SYT1: variants seen among roughly 807,000 people sequenced by gnomAD.
SYT1 encodes synaptotagmin-1.
Under a neutral mutation model 44.8 loss-of-function variants are expected in SYT1, and 8 were observed. That is an observed-to-expected ratio of 0.18 (90% CI 0.10 to 0.32). SYT1 has a LOEUF of 0.32. SYT1 is among the 10% of genes least tolerant of loss of function. The probability of loss-of-function intolerance (pLI) is 1.00; values close to 1 mark genes in which losing one functional copy is unlikely to be tolerated. For synonymous variants in SYT1, 154 were observed against 188.8 expected (o/e 0.82, Z 1.51); for missense variants, 286 against 509.3 (o/e 0.56, Z 4.22).
chr12:79,371,120 C>G (rs904932087), intron 9 of SYT1, among the ~76,000 whole-genome samples: 1 of 152,190 alleles, frequency 6.6e-6, no homozygotes, highest in African/African-American at 2.4e-5. Context: ...TTCATACTCT[C>G]ATGAGGTAGG....
At chr12:79,083,758 G>A (rs1224419191) in intron 3 of SYT1, among the ~76,000 whole-genome samples, 2 of 152,048 alleles carry the variant, frequency 1.3e-5, no homozygotes, top group African/African-American at 4.8e-5. Context: ...CAAAATGATT[G>A]CATTTGAGAA....
intron 4 of SYT1, among the ~76,000 whole-genome samples, chr12:79,265,892 T>C (rs528864002): frequency 6.6e-6 from 1 of 152,324 alleles, no homozygotes; most frequent in Admixed American, 6.5e-5. Flanking sequence ...GGATCTGCTA[T>C]GCAAAAATTA....
chr12:79,384,462 AT>A (rs1884348252), intron 9 of SYT1, among the ~76,000 whole-genome samples: 1 of 152,198 alleles, frequency 6.6e-6, no homozygotes, highest in South Asian at 2.1e-4. Context: ...AGGGCACGTA[AT>A]CAGAGTGGCT....
intron 4 of SYT1, among the ~76,000 whole-genome samples, chr12:79,234,040 G>A (rs769884207): frequency 6.6e-5 from 10 of 152,110 alleles, no homozygotes; most frequent in Admixed American, 3.3e-4. Context: ...TGAAAATCTC[G>A]TCTCCCTTGG....
chr12:79,174,613 A>G (rs1871746051), intron 3 of SYT1, among the ~76,000 whole-genome samples: 1 of 152,020 alleles, frequency 6.6e-6, no homozygotes, highest in Admixed American at 6.6e-5. Flanking sequence ...TCTAGGTAAG[A>G]AAAGGGAGTT....
intron 1 of SYT1, among the ~76,000 whole-genome samples, chr12:78,885,317 G>GAAGGA (rs1874675376): frequency 7.6e-6 from 1 of 132,158 alleles, no homozygotes; most frequent in Non-Finnish European, 1.6e-5. Flanking sequence ...GAGAGGGAGG[G>GAAGGA]AAGAAGGAAG....
At chr12:79,262,036 T>C (rs1460540955) in intron 4 of SYT1, among the ~76,000 whole-genome samples, 1 of 152,220 alleles carries the variant, frequency 6.6e-6, no homozygotes, top group East Asian at 1.9e-4. Context: ...ATGAGATCAA[T>C]AAATCCAATC....
At chr12:79,351,634 C>T (rs1159676030) in intron 8 of SYT1, among the ~76,000 whole-genome samples, 1 of 151,738 alleles carries the variant, frequency 6.6e-6, no homozygotes, top group Non-Finnish European at 1.5e-5. Flanking sequence ...TAAATTTGTC[C>T]ATATTTTATA....
intron 4 of SYT1, among the ~76,000 whole-genome samples, chr12:79,249,088 C>CTTTTTTTTTTTTTTTTTT (rs58983623): frequency 2.8e-5 from 2 of 71,816 alleles, no homozygotes; most frequent in African/African-American, 1.2e-4. Flanking sequence ...TTACCTCTTT[C>CTTTTTTTTTTTTTTTTTT]TTTTTTTTTT....
chr12:79,442,702 G>T (rs547606361), intron 9 of SYT1, among the ~76,000 whole-genome samples: 9 of 152,186 alleles, frequency 5.9e-5, no homozygotes, highest in African/African-American at 2.2e-4. Flanking sequence ...TAGGAATTAT[G>T]TTCTACTGGG....
intron 8 of SYT1, among the ~76,000 whole-genome samples, chr12:79,325,821 A>G (rs748904121): frequency 2.6e-5 from 4 of 152,246 alleles, no homozygotes; most frequent in Non-Finnish European, 4.4e-5. Context: ...ACCTCATCAC[A>G]GTGTTATTGT....
chr12:79,009,810 T>C (rs149561603), intron 2 of SYT1, among the ~76,000 whole-genome samples: 1 of 152,316 alleles, frequency 6.6e-6, no homozygotes, highest in East Asian at 1.9e-4. Flanking sequence ...TATCATCCTA[T>C]GTTTCCTTTC....
intron 9 of SYT1, among the ~76,000 whole-genome samples, chr12:79,432,911 C>T (rs959622441): frequency 6.6e-6 from 1 of 152,038 alleles, no homozygotes; most frequent in African/African-American, 2.4e-5. Context: ...CATGCCCAGC[C>T]CTATTTTCTT....
At chr12:78,935,428 T>C (rs1019406306) in intron 1 of SYT1, among the ~76,000 whole-genome samples, 1 of 152,184 alleles carries the variant, frequency 6.6e-6, no homozygotes, top group Admixed American at 6.6e-5. Flanking sequence ...GACATTTTAC[T>C]GCTTTGGTAA....
intron 1 of SYT1, among the ~76,000 whole-genome samples, chr12:78,892,455 A>C (rs1201510904): frequency 6.6e-6 from 1 of 151,752 alleles, no homozygotes; most frequent in Non-Finnish European, 1.5e-5. Flanking sequence ...AAAATAGAGA[A>C]AATATTTTAG....
At chr12:79,437,957 C>G (rs1316478178) in intron 9 of SYT1, among the ~76,000 whole-genome samples, 1 of 152,142 alleles carries the variant, frequency 6.6e-6, no homozygotes, top group Non-Finnish European at 1.5e-5. Flanking sequence ...GGAGGATCAT[C>G]TCATGCTCAA....
At chr12:79,217,405 G>A (rs1874874137) in intron 3 of SYT1, 98 bp from the exon 4 acceptor site, 2 of 1,050,356 alleles carry the variant, frequency 1.9e-6, no homozygotes, top group African/African-American at 1.6e-5. Flanking sequence ...CAGTGAGCAG[G>A]TGCCACCTCT....
At chr12:78,953,003 A>G (rs1407570200) in intron 1 of SYT1, among the ~76,000 whole-genome samples, 1 of 152,102 alleles carries the variant, frequency 6.6e-6, no homozygotes, top group Non-Finnish European at 1.5e-5. Flanking sequence ...ATTTTTTAGC[A>G]CTCAATAATT....
chr12:79,050,166 CTCT>C (rs998442147), intron 3 of SYT1, among the ~76,000 whole-genome samples: 6 of 144,134 alleles, frequency 4.2e-5, no homozygotes, highest in South Asian at 2.3e-4. Flanking sequence ...GTATTATATA[CTCT>C]TCTTAACAAT....
Sources: allele counts gnomAD v4.1 joint callset (sites outside exome capture counted in the v4.1 genomes callset), GRCh38; gene constraint gnomAD v4.1.1; transcripts MANE v1.5; gene names NCBI Gene and HGNC (gene_info 2026-07-23, HGNC 2026-07-21).